Variants in EFCAB14 observed in about 807,000 individuals in gnomAD.
EFCAB14 encodes the protein EF-hand calcium binding domain 14, also known as EF-hand calcium-binding domain-containing protein 14.
Under a neutral mutation model 56.5 loss-of-function variants are expected in EFCAB14, and 43 were observed. That is an observed-to-expected ratio of 0.76 (90% CI 0.60 to 0.98). EFCAB14 has a LOEUF of 0.98. Among genes scored for constraint, EFCAB14 ranks in the 50% least tolerant of loss-of-function variants. The pLI, the probability that EFCAB14 is intolerant of heterozygous loss-of-function variation, is 0.00. For missense variants in EFCAB14, 538 were observed against 580.3 expected (o/e 0.93, Z 0.75); for synonymous variants, 235 against 212.9 (o/e 1.10, Z -0.90).
chr1:46,694,113 A>G (rs1677042546), intron 4 of EFCAB14, among the ~76,000 whole-genome samples: 1 of 152,200 alleles, frequency 6.6e-6, no homozygotes, highest in Admixed American at 6.5e-5. Flanking sequence ...TAGACCTAAA[A>G]CCATAAAAAC....
In EFCAB14 at chr1:46,719,113, T is replaced by G. The variant is rs1435859494; in HGVS notation, c.-1026A>C. 6.5e-6 allele frequency: 1 copy of G among 153,056 alleles called. No individual in the cohort carries two copies. Among genetic ancestry groups the G allele is most frequent in the East Asian group, 1.9e-4 (1 of 5,190 alleles). 9.5% of individuals were successfully genotyped at this position (153,056 alleles called of 1,614,324 possible). ...GCCATCGCTCCAGCCCCAGATCACT[T>G]CCCCTTTGGCAGCGGCCGCCTGCGC... On this transcript the variant is annotated 5_prime_UTR_variant, in exon 1 of 11. Transcript: ENST00000371933. This position sits in a 1 kb window ranked among gnomAD's most constrained non-coding sequence, Gnocchi z 4.0.
In EFCAB14 at chr1:46,677,832, T is replaced by TA. The variant is rs1226585840; in HGVS notation, c.*628dup. 1 of 152,548 alleles carries TA rather than the reference T, an allele frequency of 6.6e-6. No individual in the cohort carries two copies. Among genetic ancestry groups the TA allele is most frequent in the Non-Finnish European group, 1.5e-5 (1 of 68,068 alleles). The allele number at this position is 152,548 out of a possible 1,614,324, so 9.4% of individuals were successfully genotyped here. On this transcript the variant is annotated 3_prime_UTR_variant, in exon 11 of 11. Coordinates refer to ENST00000371933, the MANE Select transcript of EFCAB14 (RefSeq NM_014774.3). ...ACTCCCTGAAATCGGTTCCTCCAGC[T>TA]ACCAGGACAAACCCCCTGGCAGCGC...
intron 3 of EFCAB14, among the ~76,000 whole-genome samples, chr1:46,706,219 C>T (rs1677232234): frequency 6.6e-6 from 1 of 152,048 alleles, no homozygotes; most frequent in Non-Finnish European, 1.5e-5. Flanking sequence ...TCATTATATG[C>T]CATTTACTTA....
At chr1:46,712,857 C>CA (rs912387636) in intron 2 of EFCAB14, among the ~76,000 whole-genome samples, 23 of 150,076 alleles carry the variant, frequency 1.5e-4, no homozygotes, top group African/African-American at 5.7e-4. Flanking sequence ...AAAAAAAATA[C>CA]AAAAAATTAG....
At chr1:46,681,264 T>G (rs1284466571) in intron 10 of EFCAB14, among the ~76,000 whole-genome samples, 1 of 152,204 alleles carries the variant, frequency 6.6e-6, no homozygotes, top group African/African-American at 2.4e-5. Context: ...TGGCCGTATA[T>G]ACATAACATT....
intron 5 of EFCAB14, 23 bp from the exon 6 acceptor site, chr1:46,689,714 G>A: frequency 6.2e-7 from 1 of 1,601,914 alleles, no homozygotes. Flanking sequence ...AAGAAGTTTA[G>A]TGTAGGCAAC....
In EFCAB14 at chr1:46,696,548, T is replaced by C; in HGVS notation, c.579+3A>G. On this transcript the variant is annotated splice_donor_region_variant and intron_variant, in intron 4 of 10. Transcript: ENST00000371933. ...AGTCTCTGTACCCACACATGGCACC[T>C]ACCTTCTGAAGTCCCTCTACAGTGG... 1 of 1,613,182 alleles carries C rather than the reference T, an allele frequency of 6.2e-7. No individual in the cohort carries two copies. The highest frequency in any genetic ancestry group is 8.5e-7 in the Non-Finnish European group (1 of 1,179,316).
intron 10 of EFCAB14, 33 bp downstream of exon 10, chr1:46,683,267 T>C: frequency 6.3e-7 from 1 of 1,598,110 alleles, no homozygotes; most frequent in Non-Finnish European, 8.5e-7. Context: ...ACTTTGAACA[T>C]TCCCATTACT....
At chr1:46,709,486 C>T (rs148481517) in intron 2 of EFCAB14, among the ~76,000 whole-genome samples, 82 of 152,274 alleles carry the variant, frequency 5.4e-4, no homozygotes, top group African/African-American at 1.8e-3. Flanking sequence ...GCACTTAACA[C>T]GTGGTACTGT....
In EFCAB14 at chr1:46,677,399, G is replaced by C. The variant is rs1388336925; in HGVS notation, c.*1062C>G. 1 of 152,044 alleles carries C rather than the reference G, an allele frequency of 6.6e-6. No individual in the cohort carries two copies. The highest frequency in any genetic ancestry group is 1.5e-5 in the Non-Finnish European group (1 of 68,028). 9.4% of individuals were successfully genotyped at this position (152,044 alleles called of 1,614,324 possible). A position where few individuals can be genotyped will look rare whatever the true frequency, so the allele number is the denominator to read the frequency against. On this transcript the variant is annotated 3_prime_UTR_variant, in exon 11 of 11. Transcript: ENST00000371933. The stretch of plus-strand genomic sequence containing the variant: ...GTCATCCCCCAGAGAAACATATTAG[G>C]CTCTTGGTTAGCCTCTAGGTAAAAT...
rs965102201 is a variant in EFCAB14, at chr1:46,677,007, G to A, written c.*1454C>T. 1 of 152,574 alleles carries A rather than the reference G, an allele frequency of 6.6e-6. No homozygotes were observed. Among genetic ancestry groups the A allele is most frequent in the East Asian group, 1.9e-4 (1 of 5,194 alleles). The allele number at this position is 152,574 out of a possible 1,614,324, so 9.5% of individuals were successfully genotyped here. A position where few individuals can be genotyped will look rare whatever the true frequency, so the allele number is the denominator to read the frequency against. ...TGACAGCTTTCTCTACTTTCTCCCT[G>A]ACTTGGCCTATACCAAAGTTAAGTT... On this transcript the variant is annotated 3_prime_UTR_variant, in exon 11 of 11. Transcript: ENST00000371933.
intron 10 of EFCAB14, among the ~76,000 whole-genome samples, chr1:46,679,599 G>GTTTTTTTTTTTTTTTTTTT (rs60875639): frequency 2.7e-5 from 1 of 36,494 alleles, no homozygotes. Context: ...CACCACGCCT[G>GTTTTTTTTTTTTTTTTTTT]TTTTTTTTTT....
At position 46,678,610 on chromosome 1, in the gene EFCAB14, C is replaced by T; in HGVS notation, c.1339G>A (p.Gly447Ser). ...GTCAGCTTCCCATCCACGTCCTGGC[C>T]AGTCTTGCGGAATAAATCCTGAAGA... ...EDLQDLFRKT[G>S]QDVDGKLTYQ... The change falls in exon 11 of 11, where the codon GGC (glycine) becomes AGC (serine). Residue 447 changes from glycine (G) to serine (S), a missense_variant. Gly to Ser is a moderately conservative substitution (Grantham distance 56, BLOSUM62 0). Transcript: ENST00000371933. 3 of 1,613,686 alleles carry T rather than the reference C, an allele frequency of 1.9e-6. No homozygotes were observed. Among genetic ancestry groups the T allele is most frequent in the Middle Eastern group, 1.7e-4 (1 of 6,060 alleles).
At chr1:46,698,235 G>A (rs552807650) in intron 3 of EFCAB14, among the ~76,000 whole-genome samples, 18 of 152,174 alleles carry the variant, frequency 1.2e-4, no homozygotes, top group African/African-American at 3.6e-4. Context: ...TAAGGAGCCT[G>A]GGAACTCGGG....
rs1415218719 is a variant in EFCAB14, at chr1:46,707,981, T to C, written c.405A>G (p.Lys135=). The C allele has an allele frequency of 1.2e-6, 2 of 1,612,782 alleles. No homozygotes were observed. The highest frequency in any genetic ancestry group is 1.7e-6 in the Non-Finnish European group (2 of 1,179,746). ...KLNEELLSKQ[K]QLEKIESGEM... is the part of the protein sequence containing the mutation. ...CTCCAGATTCAATCTTCTCAAGTTG[T>C]TTTTGCTTGCTGAGTAGTTCTTCAT... Residue 135 remains lysine (K), a synonymous_variant, in exon 3 of 11, where the codon AAA becomes AAG. Coordinates refer to ENST00000371933, the MANE Select transcript of EFCAB14 (RefSeq NM_014774.3).
intron 10 of EFCAB14, among the ~76,000 whole-genome samples, chr1:46,679,599 G>GTTTT (rs60875639): frequency 0.097 from 3,539 of 36,506 alleles, 1,141 homozygotes; most frequent in Non-Finnish European, 0.14. Context: ...CACCACGCCT[G>GTTTT]TTTTTTTTTT....
intron 10 of EFCAB14, among the ~76,000 whole-genome samples, chr1:46,678,965 C>A (rs972076259): frequency 6.6e-6 from 1 of 152,152 alleles, no homozygotes; most frequent in Admixed American, 6.5e-5. Context: ...AAAGTAGAAG[C>A]AGTGACAGAT....
intron 3 of EFCAB14, among the ~76,000 whole-genome samples, chr1:46,703,534 T>C (rs949343483): frequency 2.0e-4 from 30 of 152,294 alleles, no homozygotes; most frequent in African/African-American, 5.5e-4. Context: ...AGCAGAACCA[T>C]AACTCATGCC....
chr1:46,686,145 A>C (rs1676877398), intron 8 of EFCAB14, among the ~76,000 whole-genome samples: 2 of 152,188 alleles, frequency 1.3e-5, no homozygotes, highest in African/African-American at 4.8e-5. Context: ...TAATCAGAGA[A>C]TACTGTAATC....
Sources: gnomAD v4.1 joint callset for allele counts (sites outside exome capture counted in the v4.1 genomes callset) on GRCh38, gnomAD v4.1.1 for gene constraint, Gnocchi (gnomAD v3.1) non-coding constraint, MANE v1.5 for transcripts, NCBI Gene and HGNC (gene_info 2026-07-23, HGNC 2026-07-21) for gene names.